Variants in KDM4C observed in about 807,000 individuals in gnomAD.
KDM4C encodes the protein lysine-specific demethylase 4C.
A neutral mutation model predicts 129.3 loss-of-function variants in KDM4C; 81 were observed. The ratio of observed to expected loss-of-function variants is 0.63; its 90% confidence interval spans 0.52 to 0.75. The LOEUF (loss-of-function observed/expected upper bound fraction) is 0.75. Ranked by LOEUF, KDM4C falls within the 30% of genes least tolerant of loss-of-function variation. The pLI, the probability that KDM4C is intolerant of heterozygous loss-of-function variation, is 0.00. For synonymous variants in KDM4C, 573 were observed against 456.1 expected (o/e 1.26, Z -3.26); for missense variants, 1,457 against 1,304.0 (o/e 1.12, Z -1.81).
rs148857987 is a variant in KDM4C at position 6,800,067 on chromosome 9, A to T, written c.145-5532A>T. Among the ~76,000 whole-genome samples, 752 of 151,924 alleles carry T rather than the reference A, an allele frequency of 4.9e-3. 6 individuals are homozygous for T. The highest frequency in any genetic ancestry group is 0.015 in the African/African-American group (632 of 41,430). ...GCGAGACCACATCTTTTCCAAAAAA[A>T]AAATAAATAAATAAAAAAGGCCAGG... On this transcript the variant is annotated intron_variant, in intron 2 of 21. Coordinates refer to ENST00000381309, the MANE Select transcript of KDM4C (RefSeq NM_015061.6).
At chr9:6,831,536 T>C (rs1834826641) in intron 4 of KDM4C, among the ~76,000 whole-genome samples, 1 of 151,974 alleles carries the variant, frequency 6.6e-6, no homozygotes, top group Admixed American at 6.6e-5. Flanking sequence ...AGAGATGGGG[T>C]TTCACCATGT....
At chr9:6,993,635 C>G (rs1178430319) in intron 12 of KDM4C, among the ~76,000 whole-genome samples, 2 of 152,166 alleles carry the variant, frequency 1.3e-5, no homozygotes, top group Non-Finnish European at 2.9e-5. Flanking sequence ...CATGGGTGAA[C>G]TATGCATGCT....
chr9:6,773,363 T>C (rs113010609), intron 1 of KDM4C, among the ~76,000 whole-genome samples: 3,387 of 152,308 alleles, frequency 0.022, 146 homozygotes, highest in African/African-American at 0.077. Context: ...ACAAATTATT[T>C]ATTTAATGCC....
At chr9:7,044,514 G>C (rs1587201140) in intron 15 of KDM4C, among the ~76,000 whole-genome samples, 1 of 151,976 alleles carries the variant, frequency 6.6e-6, no homozygotes. Context: ...GGAGAGAACA[G>C]GGTGGATTTG....
chr9:7,018,570 G>T (rs1368305838), intron 15 of KDM4C, among the ~76,000 whole-genome samples: 1 of 152,194 alleles, frequency 6.6e-6, no homozygotes, highest in Non-Finnish European at 1.5e-5. Flanking sequence ...CATAAATTTA[G>T]AAGTTAGAGA....
chr9:6,920,331 G>A (rs1260710957), intron 8 of KDM4C, among the ~76,000 whole-genome samples: 2 of 152,128 alleles, frequency 1.3e-5, no homozygotes, highest in Non-Finnish European at 2.9e-5. Flanking sequence ...TAATAGTGAT[G>A]TTATCTGTAG....
At chr9:6,920,469 A>T (rs1444359059) in intron 8 of KDM4C, among the ~76,000 whole-genome samples, 1 of 152,116 alleles carries the variant, frequency 6.6e-6, no homozygotes, top group Non-Finnish European at 1.5e-5. Flanking sequence ...AGACTGAGGC[A>T]GGAGAATCAC....
chr9:6,999,923 A>G (rs903631788), intron 12 of KDM4C, among the ~76,000 whole-genome samples: 1 of 152,196 alleles, frequency 6.6e-6, no homozygotes, highest in Non-Finnish European at 1.5e-5. Flanking sequence ...AATTCTTTTT[A>G]GCTTGAGGTA....
At chr9:7,116,211 C>G (rs1587719252) in intron 18 of KDM4C, among the ~76,000 whole-genome samples, 2 of 152,202 alleles carry the variant, frequency 1.3e-5, no homozygotes, top group East Asian at 1.9e-4. Flanking sequence ...GAGTTATTTT[C>G]CATTTTGTTT....
chr9:6,777,202 A>G (rs1009686236), intron 1 of KDM4C, among the ~76,000 whole-genome samples: 1 of 152,090 alleles, frequency 6.6e-6, no homozygotes, highest in Non-Finnish European at 1.5e-5. Flanking sequence ...CTTTTTATTA[A>G]TATTATACTT....
At chr9:6,854,848 T>G (rs780295480) in intron 5 of KDM4C, among the ~76,000 whole-genome samples, 5 of 152,142 alleles carry the variant, frequency 3.3e-5, no homozygotes, top group African/African-American at 7.2e-5. Context: ...CCAGCACAGG[T>G]TTTTGTGTCA....
intron 7 of KDM4C, among the ~76,000 whole-genome samples, chr9:6,891,144 G>A (rs193073178): frequency 6.6e-6 from 1 of 152,182 alleles, no homozygotes; most frequent in Non-Finnish European, 1.5e-5. Context: ...TAGGGGATGG[G>A]CAGGGGATGG....
At chr9:7,161,005 C>T (rs905889196) in intron 19 of KDM4C, among the ~76,000 whole-genome samples, 23 of 152,302 alleles carry the variant, frequency 1.5e-4, no homozygotes, top group African/African-American at 3.4e-4. Flanking sequence ...GCTTCCCAGC[C>T]GCTTTGTTTA....
intron 4 of KDM4C, among the ~76,000 whole-genome samples, chr9:6,846,776 C>G (rs1837920824): frequency 6.6e-6 from 1 of 151,940 alleles, no homozygotes; most frequent in African/African-American, 2.4e-5. Flanking sequence ...GGGAGGCTTT[C>G]CAGTAAGATT....
At chr9:6,926,610 C>T (rs1365755435) in intron 8 of KDM4C, among the ~76,000 whole-genome samples, 5 of 152,188 alleles carry the variant, frequency 3.3e-5, no homozygotes, top group Non-Finnish European at 5.9e-5. Context: ...ATTCTTCACT[C>T]TAGCACGAGT....
chr9:7,153,930 G>C (rs1421665864), intron 19 of KDM4C, among the ~76,000 whole-genome samples: 12 of 152,188 alleles, frequency 7.9e-5, no homozygotes, highest in Admixed American at 2.6e-4. Context: ...AACCTCTGCT[G>C]TAGGCCTGTG....
At chr9:7,144,750 G>T (rs1424208595) in intron 19 of KDM4C, among the ~76,000 whole-genome samples, 1 of 152,252 alleles carries the variant, frequency 6.6e-6, no homozygotes, top group Non-Finnish European at 1.5e-5. Context: ...GTGAAGTGGA[G>T]AGTGAAAATG....
Position 7,167,281 on chromosome 9 carries a change from C to G in KDM4C, c.2901+1924C>G, listed in dbSNP as rs534223165. Among the ~76,000 whole-genome samples the G allele has an allele frequency of 1.4e-4, 21 of 152,296 alleles. No individual in the cohort carries two copies. In the East Asian group the frequency reaches 3.1e-3, roughly 22 times the overall value. On this transcript the variant is annotated intron_variant, in intron 20 of 21. Coordinates refer to ENST00000381309, the MANE Select transcript of KDM4C (RefSeq NM_015061.6). ...CATCCCTGCTTGCCTGGGACCATCC[C>G]TGATTTTAGTACTGAAAATAACTAC...
rs185920440 is a variant in KDM4C, at chr9:6,903,977, C to T, written c.921+10745C>T. On this transcript the variant is annotated intron_variant, in intron 8 of 21. Coordinates refer to ENST00000381309, the MANE Select transcript of KDM4C (RefSeq NM_015061.6). ...TTCATTAGCCGGGCGCGGTGGCTCA[C>T]GTCTGTAATCCCAGCACTTTGAGAG... 2.6e-5 allele frequency among the ~76,000 whole-genome samples: 4 copies of T among 152,228 alleles called. No homozygotes were observed. The South Asian group carries it at 6.2e-4, about 24-fold the overall frequency.
Sources: allele counts gnomAD v4.1 joint callset (sites outside exome capture counted in the v4.1 genomes callset), GRCh38; gene constraint gnomAD v4.1.1; transcripts MANE v1.5; gene names NCBI Gene and HGNC (gene_info 2026-07-23, HGNC 2026-07-21).